CACNB2: variants seen among roughly 807,000 people sequenced by gnomAD.
The protein encoded by CACNB2 is voltage-dependent L-type calcium channel subunit beta-2.
Under a neutral mutation model 73.3 loss-of-function variants are expected in CACNB2, and 42 were observed. The observed-to-expected ratio is 0.57, with a 90% confidence interval of 0.45 to 0.74. The LOEUF is 0.74. CACNB2 is among the 30% of genes least tolerant of loss of function. CACNB2 has a pLI of 0.00. For synonymous variants in CACNB2, 348 were observed against 310.3 expected, an observed-to-expected ratio of 1.12 and a Z score of -1.28; for missense variants, 940 against 853.0, an observed-to-expected ratio of 1.10 and a Z score of -1.27.
intron 2 of CACNB2, among the ~76,000 whole-genome samples, chr10:18,234,803 G>T (rs76021860): frequency 1.3e-5 from 2 of 152,158 alleles, no homozygotes; most frequent in Non-Finnish European, 2.9e-5. Context: ...GGTGATGATT[G>T]CACTATGATG....
rs184931333 is a variant in CACNB2, at chr10:18,286,395, G to A, written c.214-115529G>A. On this transcript the variant is annotated intron_variant, in intron 2 of 13. Transcript: ENST00000324631. Reference sequence around the variant, plus strand: ...TAGCCAGGCGCGGTGGCGGGCGCCTGTAGTCCCAGCTACTCGGGAGGCTGA... The same window carrying A: ...TAGCCAGGCGCGGTGGCGGGCGCCTATAGTCCCAGCTACTCGGGAGGCTGA... 1.4e-3 allele frequency among the ~76,000 whole-genome samples: 220 copies of A among 151,870 alleles called. 2 individuals carry two copies. The highest frequency in any genetic ancestry group is 4.9e-3 in the African/African-American group (203 of 41,440).
chr10:18,391,370 T>C (rs2043460402), intron 2 of CACNB2, among the ~76,000 whole-genome samples: 1 of 152,164 alleles, frequency 6.6e-6, no homozygotes, highest in Non-Finnish European at 1.5e-5. Context: ...AATGCGAAAA[T>C]GGATCGGGAG....
At chr10:18,340,930 C>G (rs1403837395) in intron 2 of CACNB2, 4 of 1,614,132 alleles carry the variant, frequency 2.5e-6, no homozygotes, top group Non-Finnish European at 3.4e-6. Flanking sequence ...GTCTAGCATG[C>G]TTGACAGACG....
intron 6 of CACNB2, among the ~76,000 whole-genome samples, chr10:18,512,445 G>A (rs2050857228): frequency 6.8e-6 from 1 of 147,780 alleles, no homozygotes; most frequent in South Asian, 2.2e-4. Flanking sequence ...TGACTGGATT[G>A]AGAATTTTCC....
chr10:18,187,966 G>T (rs2034228044), intron 2 of CACNB2, among the ~76,000 whole-genome samples: 1 of 152,168 alleles, frequency 6.6e-6, no homozygotes, highest in East Asian at 1.9e-4. Flanking sequence ...TGAGAGTGAT[G>T]GCGGCAGTGT....
At chr10:18,168,032 T>A (rs1330755985) in intron 2 of CACNB2, among the ~76,000 whole-genome samples, 1 of 152,202 alleles carries the variant, frequency 6.6e-6, no homozygotes, top group Non-Finnish European at 1.5e-5. Flanking sequence ...TCTATCTTAA[T>A]GAGTAATCAT....
At chr10:18,247,624 C>T (rs1263551820) in intron 2 of CACNB2, among the ~76,000 whole-genome samples, 7 of 152,194 alleles carry the variant, frequency 4.6e-5, no homozygotes, top group African/African-American at 1.7e-4. Context: ...TTGTCTAAGT[C>T]CATTCAGGCT....
At chr10:18,346,738 A>G (rs977922245) in intron 2 of CACNB2, among the ~76,000 whole-genome samples, 5 of 151,964 alleles carry the variant, frequency 3.3e-5, no homozygotes, top group Admixed American at 2.0e-4. Flanking sequence ...CTGGGACTAC[A>G]GGCATGTGCC....
intron 3 of CACNB2, among the ~76,000 whole-genome samples, chr10:18,453,632 T>C (rs2047122312): frequency 6.6e-6 from 1 of 152,224 alleles, no homozygotes; most frequent in Admixed American, 6.5e-5. Flanking sequence ...ACCAATTTCT[T>C]GCCTTATTTT....
At position 18,539,261 on chromosome 10, in the gene CACNB2, C is replaced by A. The variant is rs1289050937; in HGVS notation, c.1520C>A (p.Ser507Tyr). Residue 507 changes from serine (S) to tyrosine (Y), a missense_variant, in exon 14 of 14, where the codon TCC becomes TAC. Coordinates refer to ENST00000324631, the MANE Select transcript of CACNB2 (RefSeq NM_201596.3). ...CAAGGTGATCAGAGGACTGATCGCT[C>A]CGCTCCTATCCGTTCTGCTTCCCAA... ...GSQGDQRTDR[S>Y]APIRSASQAE... 5 of 1,613,990 alleles carry A rather than the reference C, an allele frequency of 3.1e-6. No homozygotes were observed. The South Asian group carries it at 5.5e-5, about 18-fold the overall frequency.
intron 3 of CACNB2, among the ~76,000 whole-genome samples, chr10:18,496,385 C>T (rs1166785967): frequency 4.6e-5 from 7 of 152,062 alleles, no homozygotes; most frequent in South Asian, 2.1e-4. Context: ...AAATTAACTT[C>T]GGAAAATTTG....
chr10:18,374,909 T>G, intron 2 of CACNB2, among the ~76,000 whole-genome samples: 1 of 152,144 alleles, frequency 6.6e-6, no homozygotes, highest in Non-Finnish European at 1.5e-5. Flanking sequence ...GATTTAGTAT[T>G]TGTCAGACTA....
chr10:18,305,182 A>T (rs2039680417), intron 2 of CACNB2, among the ~76,000 whole-genome samples: 1 of 152,242 alleles, frequency 6.6e-6, no homozygotes, highest in Non-Finnish European at 1.5e-5. Flanking sequence ...GTTACAGGAA[A>T]TAAATGTCGT....
At chr10:18,216,366 A>G (rs1356610410) in intron 2 of CACNB2, among the ~76,000 whole-genome samples, 2 of 152,142 alleles carry the variant, frequency 1.3e-5, no homozygotes, top group Non-Finnish European at 2.9e-5. Context: ...TCTTGAGTAT[A>G]AGCACTATCT....
At chr10:18,200,118 A>G (rs1011661265) in intron 2 of CACNB2, among the ~76,000 whole-genome samples, 3 of 152,144 alleles carry the variant, frequency 2.0e-5, no homozygotes, top group African/African-American at 7.2e-5. Context: ...ATTTTAAAAC[A>G]TTGTTCCTAA....
Position 18,506,528 on chromosome 10 carries a change from A to G in CACNB2, c.651A>G (p.Lys217=), listed in dbSNP as rs2050497087. ...GTGACATAGTACCTAGTTCCAGAAA[A>G]TCAACACCTCCATCATCTGGTAAGT... ...SLGDIVPSSR[K]STPPSSAIDI... The change falls in exon 6 of 14, where the codon AAA becomes AAG. Residue 217 remains lysine, a synonymous_variant. Transcript: ENST00000324631. The G allele has an allele frequency of 6.2e-7, 1 of 1,604,440 alleles. No homozygotes were observed. Among genetic ancestry groups the G allele is most frequent in the Non-Finnish European group, 8.5e-7 (1 of 1,171,276 alleles).
intron 2 of CACNB2, among the ~76,000 whole-genome samples, chr10:18,309,875 A>G (rs1014942720): frequency 3.9e-5 from 6 of 152,222 alleles, no homozygotes; most frequent in African/African-American, 1.4e-4. Flanking sequence ...ACATAATAAA[A>G]AGACTATTGA....
At chr10:18,486,093 C>CT (rs2132888484) in intron 3 of CACNB2, among the ~76,000 whole-genome samples, 1 of 151,990 alleles carries the variant, frequency 6.6e-6, no homozygotes, top group South Asian at 2.1e-4. Context: ...TAAAATTCAC[C>CT]TTTGTATTAG....
At chr10:18,398,667 TCACACA>T (rs755907676) in intron 2 of CACNB2, among the ~76,000 whole-genome samples, 5 of 132,296 alleles carry the variant, frequency 3.8e-5, no homozygotes, top group Non-Finnish European at 8.2e-5. Context: ...AGTGAGACTG[TCACACA>T]CACACACACA....
Sources: gnomAD v4.1 joint callset for allele counts (sites outside exome capture counted in the v4.1 genomes callset) on GRCh38, gnomAD v4.1.1 for gene constraint, MANE v1.5 for transcripts, NCBI Gene and HGNC (gene_info 2026-07-23, HGNC 2026-07-21) for gene names.